Variants in ULK4 observed in about 807,000 individuals in gnomAD.
ULK4 encodes unc-51 like kinase 4, also known as inactive serine/threonine-protein kinase ULK4.
Under a neutral mutation model 160.6 loss-of-function variants are expected in ULK4, and 133 were observed. That is an observed-to-expected ratio of 0.83 (90% CI 0.72 to 0.96). ULK4 has a LOEUF of 0.96. Ranked by LOEUF, ULK4 falls within the 40% of genes least tolerant of loss-of-function variation. The pLI, the probability that ULK4 is intolerant of heterozygous loss-of-function variation, is 0.00. For missense variants in ULK4, 1,580 were observed against 1,499.5 expected (o/e 1.05, Z -0.89); for synonymous variants, 534 against 539.8 (o/e 0.99, Z 0.15).
At chr3:41,717,953 G>A in intron 22 of ULK4, 92 bp from the exon 23 acceptor site, 18 of 1,451,186 alleles carry the variant, frequency 1.2e-5, no homozygotes, top group Non-Finnish European at 1.6e-5. Context: ...GTTTCCAGAG[G>A]GCACCCTCCC....
At chr3:41,512,491 G>A (rs2085611478) in intron 32 of ULK4, among the ~76,000 whole-genome samples, 4 of 152,084 alleles carry the variant, frequency 2.6e-5, no homozygotes, top group Non-Finnish European at 5.9e-5. Flanking sequence ...ACCAAGCTGA[G>A]AATCAAATCA....
intron 17 of ULK4, among the ~76,000 whole-genome samples, chr3:41,841,314 C>T (rs1287446078): frequency 7.4e-5 from 11 of 148,708 alleles, no homozygotes; most frequent in African/African-American, 2.2e-4. Flanking sequence ...CCGGCCGCCC[C>T]GTCTGGGAGG....
At chr3:41,285,441 C>A (rs916881768) in intron 35 of ULK4, among the ~76,000 whole-genome samples, 1 of 152,046 alleles carries the variant, frequency 6.6e-6, no homozygotes, top group Admixed American at 6.6e-5. Context: ...GCATTTGCAG[C>A]GACCTGGATG....
intron 35 of ULK4, among the ~76,000 whole-genome samples, chr3:41,387,531 A>T (rs527964191): frequency 6.6e-6 from 1 of 151,538 alleles, no homozygotes; most frequent in East Asian, 1.9e-4. Flanking sequence ...TACTCCCCCA[A>T]CTCCACAACA....
At chr3:41,602,078 C>T (rs1283994820) in intron 31 of ULK4, among the ~76,000 whole-genome samples, 1 of 151,886 alleles carries the variant, frequency 6.6e-6, no homozygotes, top group Admixed American at 6.6e-5. Flanking sequence ...TGCCTATAAT[C>T]CCAGCCACTA....
chr3:41,875,642 C>A (rs566024744), intron 17 of ULK4, among the ~76,000 whole-genome samples: 42 of 151,916 alleles, frequency 2.8e-4, no homozygotes, highest in African/African-American at 9.9e-4. Context: ...TAGTAATAAT[C>A]TGTTGAAAAT....
intron 18 of ULK4, among the ~76,000 whole-genome samples, chr3:41,828,408 T>C (rs2041449497): frequency 6.7e-6 from 1 of 149,204 alleles, no homozygotes; most frequent in South Asian, 2.1e-4. Context: ...CCCCATTGTC[T>C]CAGCCCAAAA....
intron 6 of ULK4, 99 bp from the exon 7 acceptor site, chr3:41,918,639 T>C (rs986313534): frequency 1.1e-5 from 7 of 627,238 alleles, no homozygotes; most frequent in African/African-American, 2.1e-5. Flanking sequence ...TCTTGCTCTG[T>C]CACCCAGGCT....
At chr3:41,262,809 T>C (rs1179299562) in intron 35 of ULK4, among the ~76,000 whole-genome samples, 3 of 152,220 alleles carry the variant, frequency 2.0e-5, no homozygotes, top group Non-Finnish European at 4.4e-5. Flanking sequence ...TTTCTGGCCA[T>C]TAAGTCCCAT....
intron 4 of ULK4, among the ~76,000 whole-genome samples, chr3:41,935,214 T>A (rs1301495597): frequency 0.055 from 147 of 2,674 alleles, 4 homozygotes; most frequent in South Asian, 0.21. Context: ...TATTTATTTT[T>A]TTTTTTTTTT....
At chr3:41,762,292 C>T (rs2039007877) in intron 21 of ULK4, among the ~76,000 whole-genome samples, 1 of 151,920 alleles carries the variant, frequency 6.6e-6, no homozygotes, top group African/African-American at 2.4e-5. Flanking sequence ...CTTCCAATAC[C>T]CTTCCCAGCT....
chr3:41,642,177 A>C (rs2034237085), intron 30 of ULK4, among the ~76,000 whole-genome samples: 1 of 151,888 alleles, frequency 6.6e-6, no homozygotes, highest in Admixed American at 6.6e-5. Context: ...CCCAGCCAAT[A>C]CGTAACAGTT....
chr3:41,322,100 C>T lies in ULK4; in HGVS notation c.3679-72526G>A, dbSNP rs113935564. Among the ~76,000 whole-genome samples the T allele has an allele frequency of 5.6e-3, 811 of 144,396 alleles. 134 individuals are homozygous for T. Among genetic ancestry groups the T allele is most frequent in the African/African-American group, 0.021 (778 of 37,038 alleles). The allele number at this position is 144,396 out of a possible 152,430, so 94.7% of individuals were successfully genotyped here. A position where few individuals can be genotyped will look rare whatever the true frequency, so the allele number is the denominator to read the frequency against. The stretch of plus-strand genomic sequence containing the variant: ...AGGCTGGAGTGCAGTGGCGCGATCT[C>T]GGCTCACTACAACCTCCACCTCCTG... On this transcript the variant is annotated intron_variant, in intron 35 of 36. Transcript: ENST00000301831.
chr3:41,747,533 G>A (rs1300729493), intron 22 of ULK4, among the ~76,000 whole-genome samples: 1 of 152,100 alleles, frequency 6.6e-6, no homozygotes, highest in African/African-American at 2.4e-5. Context: ...GCTTCTTAGT[G>A]TTATAAACTG....
At chr3:41,329,609 C>A (rs1323943424) in intron 35 of ULK4, among the ~76,000 whole-genome samples, 1 of 152,022 alleles carries the variant, frequency 6.6e-6, no homozygotes. Flanking sequence ...AGTTGTACAA[C>A]CCAGTGTCAT....
intron 27 of ULK4, among the ~76,000 whole-genome samples, chr3:41,695,911 G>A (rs940205646): frequency 2.0e-5 from 3 of 152,160 alleles, no homozygotes; most frequent in African/African-American, 7.2e-5. Flanking sequence ...TAGGAGCTGA[G>A]GGGACATAGT....
intron 17 of ULK4, among the ~76,000 whole-genome samples, chr3:41,837,764 T>G (rs756185967): frequency 6.6e-6 from 1 of 152,158 alleles, no homozygotes; most frequent in Non-Finnish European, 1.5e-5. Flanking sequence ...TTTCGCCATG[T>G]TGGCCCGGGT....
chr3:41,249,576 T>A lies in ULK4; in HGVS notation c.3679-2A>T. The A allele has an allele frequency of 6.2e-7, 1 of 1,613,522 alleles. No individual in the cohort carries two copies. The highest frequency in any genetic ancestry group is 8.5e-7 in the Non-Finnish European group (1 of 1,179,754). ...CAAGTGCTTCTCATTGGAGGTGATC[T>A]GCAAGGGCAGGAGGAAGAAGACAGT... is the stretch of plus-strand genomic sequence containing the variant. On this transcript the variant is annotated splice_acceptor_variant, in intron 35 of 36. Coordinates refer to ENST00000301831, the MANE Select transcript of ULK4 (RefSeq NM_017886.4). LOFTEE classifies it high-confidence loss of function.
intron 35 of ULK4, among the ~76,000 whole-genome samples, chr3:41,285,529 G>C (rs1368940445): frequency 1.3e-5 from 2 of 152,148 alleles, no homozygotes; most frequent in African/African-American, 4.8e-5. Context: ...CGATACATGG[G>C]AGCTAAGCTA....
Sources: allele counts gnomAD v4.1 joint callset (sites outside exome capture counted in the v4.1 genomes callset), GRCh38; gene constraint gnomAD v4.1.1; transcripts MANE v1.5; gene names NCBI Gene and HGNC (gene_info 2026-07-23, HGNC 2026-07-21).